Variants in RRBP1 observed in about 807,000 individuals in gnomAD.
RRBP1 encodes the protein ribosome-binding protein 1.
RRBP1 carries 94 observed loss-of-function variants against 165.2 expected under a neutral mutation model. That is an observed-to-expected ratio of 0.57 (90% confidence interval 0.48 to 0.68). The LOEUF is 0.68. Ranked by LOEUF, RRBP1 falls within the 30% of genes least tolerant of loss-of-function variation. RRBP1 has a pLI of 0.00. For missense variants in RRBP1, 1,676 were observed against 1,763.0 expected, an observed-to-expected ratio of 0.95 and a Z score of 0.88; for synonymous variants, 680 against 714.5, an observed-to-expected ratio of 0.95 and a Z score of 0.77.
intron 13 of RRBP1, chr20:17,623,055 C>T (rs2035946549): frequency 6.6e-6 from 1 of 152,230 alleles, no homozygotes; most frequent in Non-Finnish European, 1.5e-5. Flanking sequence ...ACCACTGAGG[C>T]CTCTAGTTGT....
At chr20:17,647,408 T>A (rs992020616) in intron 3 of RRBP1, among the ~76,000 whole-genome samples, 1 of 152,028 alleles carries the variant, frequency 6.6e-6, no homozygotes, top group African/African-American at 2.4e-5. Flanking sequence ...GCACCCGAGG[T>A]TGGACTAGGT....
rs551582520 is a variant in RRBP1, at chr20:17,613,882, G to T, written c.*300C>A. On this transcript the variant is annotated 3_prime_UTR_variant, in exon 25 of 25. Transcript: ENST00000377813. ...TGCACTGACAGACAGACCCCAGAGCGCCCGGCCTCCCACACACCCACGGGG... is the reference window on the plus strand; with the variant it reads ...TGCACTGACAGACAGACCCCAGAGCTCCCGGCCTCCCACACACCCACGGGG... The T allele has an allele frequency of 1.2e-5, 4 of 325,766 alleles. No individual in the cohort carries two copies. The highest frequency in any genetic ancestry group is 6.1e-5 in the East Asian group (1 of 16,290). 20.2% of individuals were successfully genotyped at this position (325,766 alleles called of 1,614,324 possible). A position where few individuals can be genotyped will look rare whatever the true frequency, so the allele number is the denominator to read the frequency against.
Position 17,659,377 on chromosome 20 carries a change from G to T in RRBP1, c.1131C>A (p.Asn377Lys). 2.0e-6 allele frequency: 3 copies of T among 1,529,896 alleles called. No individual in the cohort carries two copies. Among genetic ancestry groups the T allele is most frequent in the Non-Finnish European group, 1.8e-6 (2 of 1,139,954 alleles). 94.8% of individuals were successfully genotyped at this position (1,529,896 alleles called of 1,614,324 possible). A position where few individuals can be genotyped will look rare whatever the true frequency, so the allele number is the denominator to read the frequency against. ...GAGCCCCCTCGGCCTTTTTGCCCTG[G>T]TTCTGAGCCCCCTCAGCCTTCTTGC... ...NQGKKAEGAQ[N>K]QGKKAEGAQN... Residue 377 changes from asparagine (N) to lysine (K), a missense_variant, in exon 3 of 25, where the codon AAC (asparagine) becomes AAA (lysine). By Grantham distance (94) the Asn-to-Lys change is moderately conservative. This residue lies in a region of RRBP1 where 78 missense variants were observed against 115.6 expected (regional missense o/e 0.67). Transcript: ENST00000377813.
intron 2 of RRBP1, among the ~76,000 whole-genome samples, chr20:17,667,355 A>C (rs1214780507): frequency 6.6e-6 from 1 of 152,158 alleles, no homozygotes; most frequent in Non-Finnish European, 1.5e-5. Context: ...TGGCTTTCTG[A>C]TCCAATCTAT....
At chr20:17,630,071 T>G in intron 8 of RRBP1, 110 bp from the exon 9 acceptor site, 1 of 1,242,074 alleles carries the variant, frequency 8.1e-7, no homozygotes, top group Non-Finnish European at 1.1e-6. Context: ...CCCCGTGCAG[T>G]CTCTGGTCCA....
chr20:17,653,130 A>C (rs1405288110), intron 3 of RRBP1, among the ~76,000 whole-genome samples: 2 of 152,240 alleles, frequency 1.3e-5, no homozygotes, highest in Non-Finnish European at 2.9e-5. Flanking sequence ...CGCCACCGAC[A>C]ACTGACTGCA....
intron 20 of RRBP1, among the ~76,000 whole-genome samples, chr20:17,618,369 G>A (rs2035841255): frequency 6.6e-6 from 1 of 152,192 alleles, no homozygotes; most frequent in African/African-American, 2.4e-5. Context: ...GGGGACGGGA[G>A]ATGGAGTGGG....
Position 17,636,606 on chromosome 20 carries a change from C to A in RRBP1, c.2308G>T (p.Val770Leu). The change falls in exon 6 of 25, where the codon GTG becomes TTG. Residue 770 changes from valine (V) to leucine (L), a missense_variant. By Grantham distance (32) the Val-to-Leu change is conservative. This residue lies in a region of RRBP1 where 1,184 missense variants were observed against 1,167.1 expected (regional missense o/e 1.01). Transcript: ENST00000377813. ...ARMQASYREH[V>L]KEVQQLQGKI... is the part of the protein sequence containing the mutation. Reference sequence around the variant, plus strand: ...CCCTGCAGCTGCTGCACCTCCTTCACGTGCTCCCGGTAGCTGGCCTGCATG... The same window carrying A: ...CCCTGCAGCTGCTGCACCTCCTTCAAGTGCTCCCGGTAGCTGGCCTGCATG... 6.2e-7 allele frequency: 1 copy of A among 1,612,326 alleles called. No individual in the cohort carries two copies.
At position 17,628,744 on chromosome 20, in the gene RRBP1, G is replaced by C. The variant is rs1021207728; in HGVS notation, c.2750-1062C>G. On this transcript the variant is annotated intron_variant, in intron 9 of 24. Transcript: ENST00000377813. The stretch of plus-strand genomic sequence containing the variant: ...TGGCCTCTGCCATGCATCCCCTCCT[G>C]CCTCAGAGAGTCTCCAGGACCACGC... 9.9e-5 allele frequency among the ~76,000 whole-genome samples: 15 copies of C among 152,216 alleles called. 1 individual carries two copies. The highest frequency in any genetic ancestry group is 3.4e-4 in the African/African-American group (14 of 41,442).
Position 17,621,440 on chromosome 20 carries a change from C to T in RRBP1, c.3414+18G>A, listed in dbSNP as rs1227679901. The T allele has an allele frequency of 6.2e-7, 1 of 1,600,672 alleles. No individual in the cohort carries two copies. The highest frequency in any genetic ancestry group is 1.3e-5 in the African/African-American group (1 of 74,732). ...CAGCCTCCCAGGGATGCCCAGCTGA[C>T]AGGTTCCCAATGCTCACCGTCTCCG... On this transcript the variant is annotated intron_variant, in intron 16 of 24. Coordinates refer to ENST00000377813, the MANE Select transcript of RRBP1 (RefSeq NM_001365613.2).
At chr20:17,655,634 C>T (rs1022770307) in intron 3 of RRBP1, among the ~76,000 whole-genome samples, 1 of 152,208 alleles carries the variant, frequency 6.6e-6, no homozygotes, top group African/African-American at 2.4e-5. Flanking sequence ...GCCACTCACC[C>T]ACAGACCTGG....
intron 16 of RRBP1, 145 bp from the exon 17 acceptor site, chr20:17,620,952 G>A (rs1241045959): frequency 7.8e-6 from 5 of 638,378 alleles, no homozygotes; most frequent in Non-Finnish European, 1.4e-5. Flanking sequence ...GGGGAGGGAA[G>A]GCAACCACTG....
intron 13 of RRBP1, among the ~76,000 whole-genome samples, 182 bp downstream of exon 13, chr20:17,624,394 G>C (rs962397355): frequency 6.6e-6 from 1 of 152,192 alleles, no homozygotes; most frequent in Non-Finnish European, 1.5e-5. Flanking sequence ...GTGCGTCTGT[G>C]CGTACTAGTG....
intron 2 of RRBP1, among the ~76,000 whole-genome samples, chr20:17,678,454 C>T (rs552892963): frequency 1.1e-4 from 16 of 152,292 alleles, no homozygotes; most frequent in Admixed American, 8.5e-4. Flanking sequence ...CACAAAGAGG[C>T]GGGACTAATG....
chr20:17,614,621 G>GC, intron 24 of RRBP1, 116 bp downstream of exon 24: 1 of 1,349,272 alleles, frequency 7.4e-7, no homozygotes, highest in Non-Finnish European at 1.0e-6. Context: ...GGGGCTCCCA[G>GC]CCCAGCGCTC....
Position 17,650,373 on chromosome 20 carries a change from T to C in RRBP1, c.1913-7246A>G, listed in dbSNP as rs6034876. Among the ~76,000 whole-genome samples the C allele has an allele frequency of 4.3e-3, 655 of 152,232 alleles. 4 individuals carry two copies. The highest frequency in any genetic ancestry group is 0.015 in the African/African-American group (620 of 41,530). On this transcript the variant is annotated intron_variant, in intron 3 of 24. Coordinates refer to ENST00000377813, the MANE Select transcript of RRBP1 (RefSeq NM_001365613.2). The stretch of plus-strand genomic sequence containing the variant: ...TGGGTTCTCCTGGGCCATGACACAA[T>C]GGTCTCTCTGGCCACAGAGTAAAAC...
chr20:17,614,593 C>T (rs1010029641), intron 24 of RRBP1, 144 bp downstream of exon 24: 2 of 1,042,734 alleles, frequency 1.9e-6, no homozygotes, highest in Admixed American at 2.5e-5. Context: ...ACTACCTCCG[C>T]CCAGCTCTGC....
chr20:17,676,930 T>C (rs1046041837), intron 2 of RRBP1, among the ~76,000 whole-genome samples: 4 of 152,050 alleles, frequency 2.6e-5, no homozygotes, highest in African/African-American at 7.2e-5. Context: ...GCATTCTTTA[T>C]AGAGATGGGG....
intron 2 of RRBP1, among the ~76,000 whole-genome samples, chr20:17,667,621 C>T (rs950657654): frequency 6.6e-6 from 1 of 152,226 alleles, no homozygotes; most frequent in African/African-American, 2.4e-5. Flanking sequence ...AAACCACCTA[C>T]AAGGTCTTAG....
Sources: gnomAD v4.1 joint callset for allele counts (sites outside exome capture counted in the v4.1 genomes callset) on GRCh38, gnomAD v4.1.1 for gene constraint, gnomAD v4.1.1 regional missense constraint, MANE v1.5 for transcripts, NCBI Gene and HGNC (gene_info 2026-07-23, HGNC 2026-07-21) for gene names.